Variants in MAK observed in about 807,000 individuals in gnomAD.
MAK encodes serine/threonine-protein kinase MAK.
MAK carries 65 observed loss-of-function variants against 82.6 expected under a neutral mutation model. The observed-to-expected ratio is 0.79, with a 90% CI of 0.64 to 0.97. The LOEUF is 0.97. MAK is among the 50% of genes least tolerant of loss of function. The pLI is 0.00. For missense variants in MAK, 703 were observed against 780.2 expected (o/e 0.90, Z 1.18); for synonymous variants, 250 against 274.2 (o/e 0.91, Z 0.87).
At chr6:10,785,030 C>G (rs6936890) in intron 10 of MAK, 370,341 of 451,738 alleles carry the variant, frequency 0.82, 152,674 homozygotes, top group African/African-American at 0.96. Flanking sequence ...TACAATTTCC[C>G]GTCACCCTAG....
chr6:10,815,685 T>C (rs1413745821), intron 4 of MAK, among the ~76,000 whole-genome samples: 1 of 151,838 alleles, frequency 6.6e-6, no homozygotes, highest in East Asian at 1.9e-4. Flanking sequence ...GGTCTCAAAC[T>C]CCTGGGGCTC....
chr6:10,783,860 A>G (rs537948244), intron 11 of MAK, among the ~76,000 whole-genome samples: 2 of 152,240 alleles, frequency 1.3e-5, no homozygotes, highest in South Asian at 4.1e-4. Context: ...CTCTACTAAA[A>G]ATGCAAAAAT....
chr6:10,808,396 G>T (rs1776662999), intron 6 of MAK, among the ~76,000 whole-genome samples: 1 of 152,168 alleles, frequency 6.6e-6, no homozygotes, highest in African/African-American at 2.4e-5. Context: ...CAGTAGAGAG[G>T]ATTCATGTCT....
intron 6 of MAK, among the ~76,000 whole-genome samples, chr6:10,804,531 C>T (rs560846326): frequency 1.3e-4 from 20 of 152,242 alleles, no homozygotes; most frequent in Admixed American, 1.1e-3. Context: ...TTAGTAGAGA[C>T]GGGGTTTCCC....
intron 1 of MAK, among the ~76,000 whole-genome samples, chr6:10,831,417 T>C (rs1217465727): frequency 6.6e-6 from 1 of 152,158 alleles, no homozygotes; most frequent in Non-Finnish European, 1.5e-5. Flanking sequence ...AAAATGTAAA[T>C]ACTAATTAGG....
At position 10,800,198 on chromosome 6, in the gene MAK, G is replaced by A. The variant is rs1775908306; in HGVS notation, c.831+1694C>T. 2.0e-5 allele frequency among the ~76,000 whole-genome samples: 3 copies of A among 151,960 alleles called. No homozygotes were observed. The highest frequency in any genetic ancestry group is 1.9e-4 in the East Asian group (1 of 5,142). On this transcript the variant is annotated intron_variant, in intron 8 of 14. Transcript: ENST00000354489. The surrounding 1 kb of genome is among the most constrained non-coding windows in gnomAD (Gnocchi z 4.2). ...GGAGAATCGCCTGAACCCAGGAGGC[G>A]GAGGTTGCAGTGAGTGGAGATCATG... is the stretch of plus-strand genomic sequence containing the variant.
intron 11 of MAK, among the ~76,000 whole-genome samples, chr6:10,780,612 G>A (rs931692041): frequency 2.0e-5 from 3 of 151,574 alleles, no homozygotes; most frequent in Non-Finnish European, 4.4e-5. Context: ...ACACCACCAC[G>A]CCCAGCTAAT....
chr6:10,836,212 T>C (rs1322028291), intron 1 of MAK, among the ~76,000 whole-genome samples: 1 of 152,202 alleles, frequency 6.6e-6, no homozygotes, highest in Non-Finnish European at 1.5e-5. Flanking sequence ...GGACGTGACA[T>C]AGATTTTTAA....
intron 10 of MAK, among the ~76,000 whole-genome samples, chr6:10,787,858 CAAAAAAAAA>C (rs56983445): frequency 7.7e-6 from 1 of 129,838 alleles, no homozygotes; most frequent in African/African-American, 2.9e-5. Context: ...GAGACTGTCT[CAAAAAAAAA>C]AAAAAAAAGT....
intron 8 of MAK, 43 bp from the exon 9 acceptor site, chr6:10,796,352 C>T: frequency 6.6e-7 from 1 of 1,506,224 alleles, no homozygotes; most frequent in South Asian, 1.1e-5. Flanking sequence ...AACAGTTCCA[C>T]CTAAATGTAT....
At chr6:10,779,756 C>T (rs538121419) in intron 11 of MAK, among the ~76,000 whole-genome samples, 2 of 152,274 alleles carry the variant, frequency 1.3e-5, no homozygotes, top group African/African-American at 4.8e-5. Context: ...ACTATCTTGG[C>T]TCACTGCAAC....
chr6:10,828,861 G>A (rs1778571242), intron 2 of MAK: 1 of 152,180 alleles, frequency 6.6e-6, no homozygotes, highest in South Asian at 2.1e-4. Flanking sequence ...AAGACCTAGA[G>A]AGGATATGGC....
intron 5 of MAK, among the ~76,000 whole-genome samples, chr6:10,812,766 A>AT (rs1777042399): frequency 6.6e-6 from 1 of 151,804 alleles, no homozygotes; most frequent in Admixed American, 6.6e-5. Context: ...TAGAAATTCT[A>AT]TTTTTTTATT....
intron 4 of MAK, among the ~76,000 whole-genome samples, 194 bp from the exon 5 acceptor site, chr6:10,813,917 G>A (rs796269286): frequency 6.6e-6 from 1 of 151,896 alleles, no homozygotes; most frequent in Non-Finnish European, 1.5e-5. Context: ...TTTGATGTGA[G>A]GTAAAAACTC....
chr6:10,815,912 G>GTGTGTGTGTATATATATA (rs1554184483), intron 4 of MAK, among the ~76,000 whole-genome samples: 2 of 108,322 alleles, frequency 1.8e-5, no homozygotes, highest in Non-Finnish European at 3.5e-5. Flanking sequence ...GCTTTATACA[G>GTGTGTGTGTATATATATA]TATATATATA....
At chr6:10,833,454 A>T (rs1160099355) in intron 1 of MAK, among the ~76,000 whole-genome samples, 1 of 152,006 alleles carries the variant, frequency 6.6e-6, no homozygotes, top group African/African-American at 2.4e-5. Context: ...AAAATACAGA[A>T]ATTAGCTGGG....
At chr6:10,813,434 C>T (rs1039593361) in intron 5 of MAK, among the ~76,000 whole-genome samples, 5 of 151,406 alleles carry the variant, frequency 3.3e-5, no homozygotes, top group Admixed American at 2.0e-4. Flanking sequence ...AGATTACACA[C>T]GTGAGCCACC....
At chr6:10,794,540 A>T (rs1403099477) in intron 9 of MAK, among the ~76,000 whole-genome samples, 1 of 152,206 alleles carries the variant, frequency 6.6e-6, no homozygotes, top group Admixed American at 6.5e-5. Context: ...AAATAGATAC[A>T]GTGCTGTATA....
At chr6:10,813,969 AT>A (rs56102933) in intron 4 of MAK, among the ~76,000 whole-genome samples, 119,831 of 150,434 alleles carry the variant, frequency 0.8, 48,159 homozygotes, top group African/African-American at 0.9. Context: ...TAAATAGCTA[AT>A]TTTTTTTTTT....
Sources: allele counts gnomAD v4.1 joint callset (sites outside exome capture counted in the v4.1 genomes callset), GRCh38; gene constraint gnomAD v4.1.1; non-coding constraint Gnocchi (gnomAD v3.1); transcripts MANE v1.5; gene names NCBI Gene and HGNC (gene_info 2026-07-23, HGNC 2026-07-21).